Variants in MYO16 observed in about 807,000 individuals in gnomAD.
The protein encoded by MYO16 is myosin XVI, also known as unconventional myosin-XVI.
Under a neutral mutation model 205.3 loss-of-function variants are expected in MYO16, and 94 were observed. The ratio of observed to expected loss-of-function variants is 0.46; its 90% CI spans 0.39 to 0.54. MYO16 has a LOEUF of 0.54. MYO16 is among the 20% of genes least tolerant of loss of function. The probability of loss-of-function intolerance (pLI) is 0.00; values close to 1 mark genes in which losing one functional copy is unlikely to be tolerated. For missense variants in MYO16, 2,315 were observed against 2,387.5 expected (o/e 0.97, Z 0.63); for synonymous variants, 988 against 954.0 (o/e 1.04, Z -0.66).
At chr13:108,801,406 G>A (rs1486649733) in intron 6 of MYO16, among the ~76,000 whole-genome samples, 1 of 152,102 alleles carries the variant, frequency 6.6e-6, no homozygotes, top group Non-Finnish European at 1.5e-5. Context: ...CATGCCACAG[G>A]AACTTGAAAA....
the MYO16 span, among the ~76,000 whole-genome samples, chr13:108,561,334 C>A: frequency 4.3e-3 from 654 of 152,298 alleles, 1 homozygote; most frequent in Middle Eastern, 0.02. Context: ...AATATTTACT[C>A]TCTTTTATTC....
At chr13:109,004,076 A>C (rs1414056645) in intron 21 of MYO16, among the ~76,000 whole-genome samples, 1 of 152,212 alleles carries the variant, frequency 6.6e-6, no homozygotes. Flanking sequence ...GCACAGTAAT[A>C]GACATTACCT....
chr13:109,197,897 A>G (rs1321620876), intron 34 of MYO16, among the ~76,000 whole-genome samples: 2 of 152,204 alleles, frequency 1.3e-5, no homozygotes, highest in East Asian at 3.8e-4. Flanking sequence ...CTGAAATGAC[A>G]TGACTGTTGG....
At chr13:109,069,979 A>G (rs1352333586) in intron 27 of MYO16, among the ~76,000 whole-genome samples, 1 of 152,156 alleles carries the variant, frequency 6.6e-6, no homozygotes, top group Non-Finnish European at 1.5e-5. Context: ...TTAGGGCACT[A>G]ATCTCACACA....
At chr13:108,823,822 A>T (rs570907382) in intron 9 of MYO16, among the ~76,000 whole-genome samples, 5 of 152,136 alleles carry the variant, frequency 3.3e-5, no homozygotes, top group African/African-American at 1.2e-4. Context: ...TTACTGAAGA[A>T]TAAGTGTTCA....
intron 20 of MYO16, among the ~76,000 whole-genome samples, chr13:108,983,386 G>A (rs185546841): frequency 1.3e-4 from 20 of 152,198 alleles, no homozygotes; most frequent in African/African-American, 2.2e-4. Flanking sequence ...CAAGATTTCC[G>A]TGAAACAAAT....
chr13:108,999,869 C>T (rs1336342128), intron 21 of MYO16, among the ~76,000 whole-genome samples: 1 of 151,904 alleles, frequency 6.6e-6, no homozygotes, highest in Non-Finnish European at 1.5e-5. Flanking sequence ...ACTTGATGCC[C>T]CTTTTGTTTG....
At chr13:108,522,127 A>C in the MYO16 span, among the ~76,000 whole-genome samples, 1 of 152,222 alleles carries the variant, frequency 6.6e-6, no homozygotes, top group African/African-American at 2.4e-5. Context: ...TGTTTTGCAC[A>C]GCTATTGTTC....
intron 2 of MYO16, among the ~76,000 whole-genome samples, chr13:108,694,146 T>C (rs1042997386): frequency 5.3e-5 from 8 of 152,200 alleles, no homozygotes; most frequent in African/African-American, 1.9e-4. Context: ...ATCTTTGCTA[T>C]TGTGAATAGT....
At chr13:108,948,495 C>T (rs184064309) in intron 16 of MYO16, among the ~76,000 whole-genome samples, 48 of 152,348 alleles carry the variant, frequency 3.2e-4, no homozygotes, top group Non-Finnish European at 4.1e-4. Context: ...GTTTCATGCG[C>T]GCTGATCTCT....
intron 1 of MYO16, among the ~76,000 whole-genome samples, chr13:108,612,147 A>G (rs1298125226): frequency 6.6e-6 from 1 of 151,944 alleles, no homozygotes; most frequent in East Asian, 1.9e-4. Flanking sequence ...AGATATGAAC[A>G]TTTTATTTGC....
intron 21 of MYO16, among the ~76,000 whole-genome samples, chr13:108,996,353 T>C (rs9521118): frequency 0.15 from 23,306 of 152,148 alleles, 2,198 homozygotes; most frequent in Non-Finnish European, 0.21. Context: ...TTAAAACCTA[T>C]CTAAAGACAT....
intron 4 of MYO16, among the ~76,000 whole-genome samples, chr13:108,757,936 A>C (rs962894416): frequency 2.0e-5 from 3 of 152,128 alleles, no homozygotes; most frequent in Admixed American, 6.6e-5. Context: ...GTGTCCCTAA[A>C]AATTCATAGG....
At chr13:109,003,385 C>G (rs1885280813) in intron 21 of MYO16, among the ~76,000 whole-genome samples, 1 of 152,124 alleles carries the variant, frequency 6.6e-6, no homozygotes, top group Non-Finnish European at 1.5e-5. Context: ...AAAGATCACC[C>G]TATGCCACAA....
intron 4 of MYO16, among the ~76,000 whole-genome samples, chr13:108,754,172 A>G (rs988632556): frequency 6.6e-6 from 1 of 152,094 alleles, no homozygotes; most frequent in African/African-American, 2.4e-5. Flanking sequence ...TGTAGCATGC[A>G]GAACAAACTG....
chr13:109,154,316 T>A (rs1877866038), intron 32 of MYO16, among the ~76,000 whole-genome samples: 3 of 152,120 alleles, frequency 2.0e-5, no homozygotes, highest in Admixed American at 2.0e-4. Context: ...TCCCACCGCC[T>A]TGGGTGGCCT....
At chr13:108,864,152 T>C (rs898229892) in intron 11 of MYO16, among the ~76,000 whole-genome samples, 3 of 152,166 alleles carry the variant, frequency 2.0e-5, no homozygotes, top group Non-Finnish European at 4.4e-5. Context: ...TGATTTCTGC[T>C]TTGATATTAT....
At chr13:108,641,996 T>G (rs1230429271) in intron 1 of MYO16, among the ~76,000 whole-genome samples, 1 of 152,152 alleles carries the variant, frequency 6.6e-6, no homozygotes, top group Non-Finnish European at 1.5e-5. Context: ...GACCACAGGG[T>G]CAATCCTAGG....
intron 7 of MYO16, among the ~76,000 whole-genome samples, chr13:108,818,330 G>A (rs1390917158): frequency 6.6e-6 from 1 of 151,058 alleles, no homozygotes; most frequent in East Asian, 2.0e-4. Context: ...GTTGCGGTGA[G>A]CCAAGATGGC....
Sources: gnomAD v4.1 joint callset for allele counts (sites outside exome capture counted in the v4.1 genomes callset) on GRCh38, gnomAD v4.1.1 for gene constraint, MANE v1.5 for transcripts, NCBI Gene and HGNC (gene_info 2026-07-23, HGNC 2026-07-21) for gene names.